LAG3: variants seen among roughly 807,000 people sequenced by gnomAD.
LAG3 encodes the protein lymphocyte activating 3, also known as lymphocyte activation gene 3 protein.
In LAG3, 29 loss-of-function variants were observed where a neutral mutation model predicts 49.0. The observed-to-expected ratio is 0.59, with a 90% CI of 0.44 to 0.81. The LOEUF is 0.81. LAG3 is among the 30% of genes least tolerant of loss of function. The pLI, the probability that LAG3 is intolerant of heterozygous loss-of-function variation, is 0.00. For missense variants in LAG3, 693 were observed against 695.2 expected (o/e 1.00, Z 0.04); for synonymous variants, 320 against 297.3 (o/e 1.08, Z -0.79).
chr12:6,777,545 C>A (rs1208160799), intron 6 of LAG3, 39 bp downstream of exon 6: 2 of 1,602,572 alleles, frequency 1.2e-6, no homozygotes, highest in Non-Finnish European at 8.5e-7. Context: ...AACGCCACAG[C>A]AATAATCTTT....
chr12:6,778,188 C>G (rs1941928391), intron 7 of LAG3, 56 bp from the exon 8 acceptor site: 9 of 1,502,828 alleles, frequency 6.0e-6, no homozygotes, highest in Non-Finnish European at 8.2e-6. Context: ...TCATCCGCTT[C>G]CCTTCATCCT....
rs767143491 is a variant in LAG3, at chr12:6,774,571, GAA to G, written c.512-23_512-22del. On this transcript the variant is annotated intron_variant, in intron 3 of 7. Transcript: ENST00000203629. ...GGGAAATTGTTTCCAGTGGGCTGATGAAGTCTTCTTTATCCTTGCACAGTGAC... is the reference window on the plus strand; with the variant it reads ...GGGAAATTGTTTCCAGTGGGCTGATGGTCTTCTTTATCCTTGCACAGTGAC... 8.1e-6 allele frequency: 13 copies of G among 1,599,498 alleles called. No homozygotes were observed. In the South Asian group the frequency reaches 1.1e-4, roughly 14 times the overall value.
At position 6,777,805 on chromosome 12, in the gene LAG3, G is replaced by C. The variant is rs568698714; in HGVS notation, c.1315G>C (p.Gly439Arg). The C allele has an allele frequency of 1.2e-5, 19 of 1,613,856 alleles. No homozygotes were observed. In the African/African-American group the frequency reaches 2.0e-4, roughly 17 times the overall value. Residue 439 changes from glycine to arginine, a missense_variant, in exon 7 of 8, where the codon GGG becomes CGG. Transcript: ENST00000203629. ...ELSSPGAQRS[G>R]RAPGALPAGH... ...TTTCTCCATAGGTGCCCAACGCTCT[G>C]GGAGAGCCCCAGGTGCCCTCCCAGC...
chr12:6,775,341 C>T lies in LAG3; in HGVS notation c.850C>T (p.Leu284=). Residue 284 remains leucine (L), a synonymous_variant, in exon 5 of 8, where the codon CTG becomes TTG. Coordinates refer to ENST00000203629, the MANE Select transcript of LAG3 (RefSeq NM_002286.6). ...TTCCAGGGTGGGGCTGCCCTGCCGC[C>T]TGCCTGCTGGTGTGGGGACCCGGTC... ...AGSRVGLPCR[L]PAGVGTRSFL... The T allele has an allele frequency of 6.2e-7, 1 of 1,614,232 alleles. No individual in the cohort carries two copies. Among genetic ancestry groups the T allele is most frequent in the Non-Finnish European group, 8.5e-7 (1 of 1,180,044 alleles).
rs891464358 is a variant in LAG3, at chr12:6,777,376, G to A, written c.1170G>A (p.Gln390=). ...FVWSSLDTPS[Q]RSFSGPWLEA... ...GGAGCTCTCTGGACACCCCATCCCA[G>A]AGGAGTTTCTCAGGACCTTGGCTGG... Residue 390 remains glutamine (Q), a synonymous_variant, in exon 6 of 8, where the codon CAG becomes CAA. Coordinates refer to ENST00000203629, the MANE Select transcript of LAG3 (RefSeq NM_002286.6). 1 of 1,614,182 alleles carries A rather than the reference G, an allele frequency of 6.2e-7. No homozygotes were observed. Among genetic ancestry groups the A allele is most frequent in the Non-Finnish European group, 8.5e-7 (1 of 1,180,020 alleles).
At position 6,777,913 on chromosome 12, in the gene LAG3, A is replaced by G; in HGVS notation, c.1423A>G (p.Arg475Gly). The G allele has an allele frequency of 6.2e-7, 1 of 1,613,344 alleles. No individual in the cohort carries two copies. Among genetic ancestry groups the G allele is most frequent in the Non-Finnish European group, 8.5e-7 (1 of 1,179,842 alleles). Residue 475 changes from arginine to glycine, a missense_variant, in exon 7 of 8, where the codon AGA (arginine) becomes GGA (glycine). Transcript: ENST00000203629. The stretch of plus-strand genomic sequence containing the variant: ...TGGAGCCTTTGGCTTTCACCTTTGG[A>G]GAAGACAGGTGAGCCAGGGACATGG... ...VTGAFGFHLW[R>G]RQWRPRRFSA...
At position 6,777,618 on chromosome 12, in the gene LAG3, C is replaced by T; in HGVS notation, c.1300+112C>T. 2.0e-6 allele frequency: 3 copies of T among 1,486,998 alleles called. No individual in the cohort carries two copies. The South Asian group carries it at 3.7e-5, about 18-fold the overall frequency. 92.1% of individuals were successfully genotyped at this position (1,486,998 alleles called of 1,614,324 possible). A position where few individuals can be genotyped will look rare whatever the true frequency, so the allele number is the denominator to read the frequency against. On this transcript the variant is annotated intron_variant, in intron 6 of 7. Transcript: ENST00000203629. The stretch of plus-strand genomic sequence containing the variant: ...AGCGCTTTTCTTTCCAGTCAGGGAC[C>T]TGATCTCTGGCTTTTGCCTAGGGTT...
chr12:6,775,055 C>G (rs1327490126), intron 4 of LAG3, among the ~76,000 whole-genome samples, 191 bp downstream of exon 4: 1 of 152,162 alleles, frequency 6.6e-6, no homozygotes, highest in Non-Finnish European at 1.5e-5. Context: ...TTGCTTCTCC[C>G]GTGGCCTTCC....
At chr12:6,774,567 T>A in intron 3 of LAG3, 28 bp from the exon 4 acceptor site, 1 of 1,596,882 alleles carries the variant, frequency 6.3e-7, no homozygotes. Context: ...TCCAGTGGGC[T>A]GATGAAGTCT....
At position 6,774,729 on chromosome 12, in the gene LAG3, T is replaced by TC; in HGVS notation, c.652dup (p.His218ProfsTer39). 1.2e-6 allele frequency: 2 copies of TC among 1,613,814 alleles called. No homozygotes were observed. Among genetic ancestry groups the TC allele is most frequent in the Middle Eastern group, 1.6e-4 (1 of 6,062 alleles). On this transcript the variant is annotated frameshift_variant, in exon 4 of 8. Transcript: ENST00000203629. LOFTEE classifies it high-confidence loss of function. ...CCAGGGCCGAGTCCCTGTCCGGGAG[T>TC]CCCCCCATCACCACTTAGCGGAAAG...
intron 7 of LAG3, 73 bp downstream of exon 7, chr12:6,777,994 C>A: frequency 1.9e-6 from 3 of 1,603,108 alleles, no homozygotes; most frequent in Non-Finnish European, 2.5e-6. Context: ...TGATGGCACC[C>A]CTTCCTCAGG....
intron 5 of LAG3, among the ~76,000 whole-genome samples, chr12:6,776,492 G>T (rs952516186): frequency 6.6e-6 from 1 of 152,178 alleles, no homozygotes; most frequent in Non-Finnish European, 1.5e-5. Flanking sequence ...TCTCAAAACA[G>T]CTGGGAAGTG....
At chr12:6,777,139 C>G (rs1239851165) in intron 5 of LAG3, 125 bp from the exon 6 acceptor site, 1 of 1,038,396 alleles carries the variant, frequency 9.6e-7, no homozygotes, top group Non-Finnish European at 1.4e-6. Flanking sequence ...CCCATGATGT[C>G]CTTCCCCAAC....
rs1362701703 is a variant in LAG3 at position 6,777,261 on chromosome 12, C to G, written c.1058-3C>G. ...AAAGATCTCTTCCTTCTACTCTTTTCAGTGACTCCCAAATCCTTTGGGTCA... is the reference window on the plus strand; with the variant it reads ...AAAGATCTCTTCCTTCTACTCTTTTGAGTGACTCCCAAATCCTTTGGGTCA... On this transcript the variant is annotated splice_polypyrimidine_tract_variant and splice_region_variant and intron_variant, in intron 5 of 7. Coordinates refer to ENST00000203629, the MANE Select transcript of LAG3 (RefSeq NM_002286.6). 6.2e-7 allele frequency: 1 copy of G among 1,614,144 alleles called. No individual in the cohort carries two copies. Among genetic ancestry groups the G allele is most frequent in the East Asian group, 2.2e-5 (1 of 44,888 alleles).
rs1461394427 is a variant in LAG3, at chr12:6,778,369, GC to G, written c.1560del (p.Glu521SerfsTer?). The part of the protein sequence containing the change: ...PEPEPEPEPE[P>X]EPEQL ...AGCCGGAACCGGAGCCCGAGCCCGA[GC>G]CCGAGCCGGAGCAGCTCTGACCTGG... is the stretch of plus-strand genomic sequence containing the variant. On this transcript the variant is annotated frameshift_variant, in exon 8 of 8. Coordinates refer to ENST00000203629, the MANE Select transcript of LAG3 (RefSeq NM_002286.6). LOFTEE classifies it high-confidence loss of function. 6.2e-7 allele frequency: 1 copy of G among 1,611,636 alleles called. No individual in the cohort carries two copies. Among genetic ancestry groups the G allele is most frequent in the Admixed American group, 1.7e-5 (1 of 60,012 alleles).
intron 5 of LAG3, 179 bp downstream of exon 5, chr12:6,775,727 C>T (rs574885654): frequency 3.2e-6 from 2 of 617,196 alleles, no homozygotes; most frequent in South Asian, 4.1e-5. Context: ...AGAAACGAAA[C>T]TGAAAATCTC....
At position 6,778,349 on chromosome 12, in the gene LAG3, G is replaced by A. The variant is rs1220221719; in HGVS notation, c.1537G>A (p.Glu513Lys). The change falls in exon 8 of 8, where the codon GAA becomes AAA. Residue 513 changes from glutamate (E) to lysine (K), a missense_variant. Physicochemically the swap from Glu to Lys is moderately conservative, Grantham distance 56. Transcript: ENST00000203629. Reference sequence around the variant, plus strand: ...AGAACCGGAGCCGGAGCCGGAGCCGGAACCGGAGCCCGAGCCCGAGCCCGA... The same window carrying A: ...AGAACCGGAGCCGGAGCCGGAGCCGAAACCGGAGCCCGAGCCCGAGCCCGA... ...EQEPEPEPEP[E>K]PEPEPEPEPE... 6.2e-7 allele frequency: 1 copy of A among 1,612,852 alleles called. No homozygotes were observed. The highest frequency in any genetic ancestry group is 8.5e-7 in the Non-Finnish European group (1 of 1,179,784).
rs1402191805 is a variant in LAG3 at position 6,773,764 on chromosome 12, TG to T, written c.279del (p.Arg95GlyfsTer8). The T allele has an allele frequency of 2.3e-6, 3 of 1,328,054 alleles. No homozygotes were observed. Among genetic ancestry groups the T allele is most frequent in the South Asian group, 2.1e-5 (1 of 48,664 alleles). 82.3% of individuals were successfully genotyped at this position (1,328,054 alleles called of 1,614,324 possible). A position where few individuals can be genotyped will look rare whatever the true frequency, so the allele number is the denominator to read the frequency against. On this transcript the variant is annotated frameshift_variant, in exon 3 of 8. Coordinates refer to ENST00000203629, the MANE Select transcript of LAG3 (RefSeq NM_002286.6). LOFTEE classifies it high-confidence loss of function. The surrounding 1 kb of genome is among the most constrained non-coding windows in gnomAD (Gnocchi z 5.5). Reference sequence around the variant, plus strand: ...CCCTCACCCGGCGGCGCCCTCCTCCTGGGGGCCCAGGCCCCGCCGCTACACG... The same window carrying T: ...CCCTCACCCGGCGGCGCCCTCCTCCTGGGGCCCAGGCCCCGCCGCTACACG... ...PGPHPAAPSS[W>X]GPRPRRYTVL... is the part of the protein sequence containing the mutation.
rs1208903459 is a variant in LAG3 at position 6,773,937 on chromosome 12, C to A, written c.447C>A (p.Ala149=). ...GCGCGGACGCCGGCGAGTACCGCGC[C>A]GCGGTGCACCTCAGGGACCGCGCCC... is the stretch of plus-strand genomic sequence containing the variant. The part of the protein sequence containing the change: ...ARRADAGEYR[A]AVHLRDRALS... The change falls in exon 3 of 8, where the codon GCC becomes GCA. Residue 149 remains alanine (A), a synonymous_variant. Coordinates refer to ENST00000203629, the MANE Select transcript of LAG3 (RefSeq NM_002286.6). This position sits in a 1 kb window ranked among gnomAD's most constrained non-coding sequence, Gnocchi z 5.5. 6 of 1,405,640 alleles carry A rather than the reference C, an allele frequency of 4.3e-6. No homozygotes were observed. The highest frequency in any genetic ancestry group is 3.4e-5 in the Admixed American group (1 of 29,002). 87.1% of individuals were successfully genotyped at this position (1,405,640 alleles called of 1,614,324 possible).
Sources: gnomAD v4.1 joint callset for allele counts (sites outside exome capture counted in the v4.1 genomes callset) on GRCh38, gnomAD v4.1.1 for gene constraint, Gnocchi (gnomAD v3.1) non-coding constraint, MANE v1.5 for transcripts, NCBI Gene and HGNC (gene_info 2026-07-23, HGNC 2026-07-21) for gene names.